The following THRB variants were observed in gnomAD, a reference collection of about 807,000 sequenced individuals.
The protein encoded by THRB is nuclear receptor subfamily 1 group A member 2.
A neutral mutation model predicts 47.8 loss-of-function variants in THRB; 12 were observed. The observed-to-expected ratio is 0.25, with a 90% CI of 0.16 to 0.41. The LOEUF is 0.41. Among genes scored for constraint, THRB ranks in the 10% least tolerant of loss-of-function variants. The pLI is 1.00. For synonymous variants in THRB, 218 were observed against 212.2 expected (o/e 1.03, Z -0.24); for missense variants, 348 against 589.2 (o/e 0.59, Z 4.24).
rs776195380 is a variant in THRB, at chr3:24,198,451, C to A, written c.23-8117G>T. Among the ~76,000 whole-genome samples, 4 of 24,854 alleles carry A rather than the reference C, an allele frequency of 1.6e-4. 1 individual carries two copies. The highest frequency in any genetic ancestry group is 3.3e-4 in the Non-Finnish European group (4 of 12,056). 16.3% of individuals were successfully genotyped at this position (24,854 alleles called of 152,430 possible). On this transcript the variant is annotated intron_variant, in intron 4 of 10. Transcript: ENST00000646209. ...AGTAAGTGTTCAAAGTGTCTCCCCCCGCCCCCCCCCCCCCCTTTTTTTTTT... is the reference window on the plus strand; with the variant it reads ...AGTAAGTGTTCAAAGTGTCTCCCCCAGCCCCCCCCCCCCCCTTTTTTTTTT...
intron 2 of THRB, among the ~76,000 whole-genome samples, chr3:24,316,636 C>G (rs1199697489): frequency 6.6e-6 from 1 of 152,106 alleles, no homozygotes; most frequent in Admixed American, 6.5e-5. Context: ...CAGATCTCTC[C>G]AGAGGGTGGT....
chr3:24,204,966 A>G (rs1269806339), intron 4 of THRB, among the ~76,000 whole-genome samples: 2 of 152,236 alleles, frequency 1.3e-5, no homozygotes, highest in Non-Finnish European at 2.9e-5. Flanking sequence ...AAGAGTAAAA[A>G]GAAACGAACA....
At chr3:24,278,089 G>A (rs946483746) in intron 3 of THRB, among the ~76,000 whole-genome samples, 17 of 152,166 alleles carry the variant, frequency 1.1e-4, no homozygotes, top group African/African-American at 3.9e-4. Flanking sequence ...CCATAATAAT[G>A]TTAGAGAACA....
upstream of THRB, chr3:24,495,593 G>C (rs1698899393): frequency 6.6e-6 from 1 of 152,438 alleles, no homozygotes; most frequent in Non-Finnish European, 1.5e-5. Flanking sequence ...TGCGCGCATA[G>C]GTGCGGGTTT....
chr3:24,430,241 A>T (rs2070231150), intron 1 of THRB: 2 of 152,006 alleles, frequency 1.3e-5, no homozygotes, highest in Non-Finnish European at 2.9e-5. Flanking sequence ...AATAGAAAAC[A>T]AAAGAGAGAA....
chr3:24,238,593 G>C (rs2049158352), intron 3 of THRB, among the ~76,000 whole-genome samples: 2 of 152,080 alleles, frequency 1.3e-5, no homozygotes, highest in African/African-American at 4.8e-5. Context: ...AAAGACTCTA[G>C]TACTTGACCC....
At chr3:24,302,089 T>C (rs2056982773) in intron 2 of THRB, among the ~76,000 whole-genome samples, 1 of 152,260 alleles carries the variant, frequency 6.6e-6, no homozygotes. Context: ...TAATTTGTTA[T>C]GGCAGCAATA....
chr3:24,286,271 A>G (rs982124355), intron 3 of THRB, among the ~76,000 whole-genome samples: 1 of 152,206 alleles, frequency 6.6e-6, no homozygotes, highest in Non-Finnish European at 1.5e-5. Context: ...AGAAGCCTGT[A>G]TTGGCAAAAC....
At chr3:24,204,663 G>C (rs977024970) in intron 4 of THRB, among the ~76,000 whole-genome samples, 2 of 152,188 alleles carry the variant, frequency 1.3e-5, no homozygotes, top group Non-Finnish European at 2.9e-5. Context: ...GAATGACTCT[G>C]ACAAGTTGAG....
At position 24,267,052 on chromosome 3, in the gene THRB, AAAG is replaced by A. The variant is rs574396559; in HGVS notation, c.-43+30171_-43+30173del. On this transcript the variant is annotated intron_variant, in intron 3 of 10. Coordinates refer to ENST00000646209, the MANE Select transcript of THRB (RefSeq NM_001354712.2). ...TACTTAATTAAATAAAATAAGATTA[AAAG>A]AAGATTATAAAAGAACAGAATAAGA... Among the ~76,000 whole-genome samples, 1,452 of 152,234 alleles carry A rather than the reference AAAG, an allele frequency of 9.5e-3. 9 individuals are homozygous for A. Among genetic ancestry groups the A allele is most frequent in the Middle Eastern group, 0.031 (9 of 294 alleles).
intron 1 of THRB, among the ~76,000 whole-genome samples, chr3:24,389,631 T>C (rs918529212): frequency 6.6e-6 from 1 of 152,158 alleles, no homozygotes; most frequent in African/African-American, 2.4e-5. Context: ...AAATGTAATT[T>C]GGGGGAAAGG....
intron 3 of THRB, among the ~76,000 whole-genome samples, chr3:24,287,315 T>C (rs955910905): frequency 6.6e-6 from 1 of 152,156 alleles, no homozygotes; most frequent in Non-Finnish European, 1.5e-5. Context: ...AGACTTCAAT[T>C]TAGGTCTTGA....
At chr3:24,377,265 C>T (rs2065359990) in intron 1 of THRB, among the ~76,000 whole-genome samples, 2 of 152,176 alleles carry the variant, frequency 1.3e-5, no homozygotes, top group South Asian at 4.1e-4. Context: ...CCCCAGGGAG[C>T]ACATTCCATT....
chr3:24,376,737 C>CTAGA (rs2065323600), intron 1 of THRB, among the ~76,000 whole-genome samples: 5 of 152,162 alleles, frequency 3.3e-5, no homozygotes, highest in African/African-American at 1.2e-4. Context: ...CAGGCCTCCA[C>CTAGA]TATTTCCAGC....
intron 3 of THRB, among the ~76,000 whole-genome samples, chr3:24,260,091 C>A (rs2051797849): frequency 6.6e-6 from 1 of 152,162 alleles, no homozygotes; most frequent in Admixed American, 6.5e-5. Context: ...AATCTACTTT[C>A]TGTTTCTATA....
chr3:24,168,396 C>T (rs2039943037), intron 5 of THRB, among the ~76,000 whole-genome samples: 1 of 151,690 alleles, frequency 6.6e-6, no homozygotes, highest in Non-Finnish European at 1.5e-5. Flanking sequence ...ATTTAAAGAG[C>T]AGCTTAAGAG....
intron 1 of THRB, among the ~76,000 whole-genome samples, chr3:24,367,343 A>C (rs749644928): frequency 2.6e-5 from 4 of 152,200 alleles, no homozygotes; most frequent in Non-Finnish European, 5.9e-5. Context: ...TTTATGTATC[A>C]AACCTCTTTG....
At chr3:24,303,056 T>TTAC (rs2057067561) in intron 2 of THRB, among the ~76,000 whole-genome samples, 1 of 152,174 alleles carries the variant, frequency 6.6e-6, no homozygotes, top group Non-Finnish European at 1.5e-5. Flanking sequence ...AGGTAATATT[T>TTAC]CTCATTTGGT....
intron 3 of THRB, among the ~76,000 whole-genome samples, chr3:24,287,849 G>T (rs1214243668): frequency 1.3e-5 from 2 of 152,014 alleles, no homozygotes; most frequent in Non-Finnish European, 2.9e-5. Context: ...ACCCTACTTT[G>T]GCATGAACTT....
Sources: gnomAD v4.1 joint callset for allele counts (sites outside exome capture counted in the v4.1 genomes callset) on GRCh38, gnomAD v4.1.1 for gene constraint, MANE v1.5 for transcripts, NCBI Gene and HGNC (gene_info 2026-07-23, HGNC 2026-07-21) for gene names.